Variants in ADAM12 observed in about 807,000 individuals in gnomAD.
ADAM12 encodes disintegrin and metalloproteinase domain-containing protein 12.
A neutral mutation model predicts 106.4 loss-of-function variants in ADAM12; 70 were observed. That is an observed-to-expected ratio of 0.66 (90% CI 0.54 to 0.80). The LOEUF is 0.80. Among genes scored for constraint, ADAM12 ranks in the 30% least tolerant of loss-of-function variants. The pLI is 0.00. For missense variants in ADAM12, 1,010 were observed against 1,171.9 expected, an observed-to-expected ratio of 0.86 and a Z score of 2.02; for synonymous variants, 420 against 433.5, an observed-to-expected ratio of 0.97 and a Z score of 0.39.
intron 5 of ADAM12, among the ~76,000 whole-genome samples, chr10:126,121,271 TATATA>T (rs1337822821): frequency 2.7e-5 from 3 of 110,106 alleles, no homozygotes; most frequent in Non-Finnish European, 5.0e-5. Flanking sequence ...TATTATATAA[TATATA>T]ATATACTATA....
chr10:126,378,664 G>C (rs997349499), intron 1 of ADAM12, among the ~76,000 whole-genome samples: 1 of 152,168 alleles, frequency 6.6e-6, no homozygotes, highest in Admixed American at 6.5e-5. Context: ...AATGGGTGGG[G>C]AGAAAAGGTA....
chr10:126,221,451 A>G (rs1958093353), intron 3 of ADAM12, among the ~76,000 whole-genome samples: 1 of 152,118 alleles, frequency 6.6e-6, no homozygotes, highest in African/African-American at 2.4e-5. Context: ...GAGGCAAAGT[A>G]CTGTTGACAT....
intron 2 of ADAM12, among the ~76,000 whole-genome samples, chr10:126,320,710 T>C (rs908533077): frequency 6.6e-6 from 1 of 152,232 alleles, no homozygotes; most frequent in African/African-American, 2.4e-5. Flanking sequence ...CAGTTTAAAG[T>C]AAGATTTTAG....
rs373191339 is a variant in ADAM12, at chr10:126,053,480, C to T, written c.1610-3811G>A. On this transcript the variant is annotated intron_variant, in intron 14 of 22. Coordinates refer to ENST00000448723, the MANE Select transcript of ADAM12 (RefSeq NM_001288973.2). The surrounding 1 kb of genome is among the most constrained non-coding windows in gnomAD (Gnocchi z 4.6). The stretch of plus-strand genomic sequence containing the variant: ...AGGCCACCTGGCATTTCAGGAGCAC[C>T]GCCATTCTCCCAAAGACAAACCCTC... Among the ~76,000 whole-genome samples the T allele has an allele frequency of 1.1e-4, 16 of 152,172 alleles. No individual in the cohort carries two copies. The highest frequency in any genetic ancestry group is 2.9e-4 in the African/African-American group (12 of 41,526).
intron 1 of ADAM12, among the ~76,000 whole-genome samples, chr10:126,343,539 T>C (rs1286568955): frequency 2.6e-5 from 4 of 152,194 alleles, no homozygotes; most frequent in Non-Finnish European, 5.9e-5. Flanking sequence ...TTTGGGTATA[T>C]ACCCAGTAAT....
At chr10:126,048,403 T>C (rs1387599339) in intron 16 of ADAM12, among the ~76,000 whole-genome samples, 1 of 152,186 alleles carries the variant, frequency 6.6e-6, no homozygotes, top group Admixed American at 6.5e-5. Context: ...TATAAGAAGA[T>C]TCATGTACGA....
intron 11 of ADAM12, chr10:126,090,647 G>A (rs1300667756): frequency 6.6e-6 from 1 of 152,156 alleles, no homozygotes. Flanking sequence ...TTAAAGCCTT[G>A]CAGTAATTAA....
At position 126,123,605 on chromosome 10, in the gene ADAM12, G is replaced by A. The variant is rs370685921; in HGVS notation, c.417-5381C>T. 1.3e-3 allele frequency among the ~76,000 whole-genome samples: 201 copies of A among 152,262 alleles called. 1 individual carries two copies. The highest frequency in any genetic ancestry group is 2.7e-3 in the African/African-American group (114 of 41,546). ...GGATCCAGGTTCTGGGCTGCGCTCC[G>A]TACACTGATCACTCTGCTGACCATG... is the stretch of plus-strand genomic sequence containing the variant. On this transcript the variant is annotated intron_variant, in intron 5 of 22. Coordinates refer to ENST00000448723, the MANE Select transcript of ADAM12 (RefSeq NM_001288973.2).
intron 4 of ADAM12, among the ~76,000 whole-genome samples, chr10:126,143,525 A>G (rs141044033): frequency 4.8e-4 from 73 of 151,402 alleles, no homozygotes; most frequent in Non-Finnish European, 6.9e-4. Flanking sequence ...GCATGTGTGT[A>G]TATGTACATG....
intron 3 of ADAM12, among the ~76,000 whole-genome samples, chr10:126,200,738 A>G (rs948021830): frequency 6.6e-6 from 1 of 152,242 alleles, no homozygotes; most frequent in Non-Finnish European, 1.5e-5. Flanking sequence ...ATGGTTCAGA[A>G]TGTTCAAAGG....
In ADAM12 at chr10:126,388,291, G is replaced by C; in HGVS notation, c.-146C>G. The C allele has an allele frequency of 8.9e-7, 1 of 1,121,272 alleles. No homozygotes were observed. The highest frequency in any genetic ancestry group is 1.1e-6 in the Non-Finnish European group (1 of 901,300). The allele number at this position is 1,121,272 out of a possible 1,614,324, so 69.5% of individuals were successfully genotyped here. A position where few individuals can be genotyped will look rare whatever the true frequency, so the allele number is the denominator to read the frequency against. ...GCTCCGGAGCCCTCGCGCAGCGCCCGCGCCGCCGCTGAGCTCTTCTAGCCT... is the reference window on the plus strand; with the variant it reads ...GCTCCGGAGCCCTCGCGCAGCGCCCCCGCCGCCGCTGAGCTCTTCTAGCCT... On this transcript the variant is annotated 5_prime_UTR_variant, in exon 1 of 23. Transcript: ENST00000448723. The surrounding 1 kb of genome is among the most constrained non-coding windows in gnomAD (Gnocchi z 4.4).
chr10:126,218,331 T>G (rs1958027415), intron 3 of ADAM12, among the ~76,000 whole-genome samples: 1 of 152,290 alleles, frequency 6.6e-6, no homozygotes, highest in African/African-American at 2.4e-5. Context: ...GTTGTTCACC[T>G]AACTCCACAT....
chr10:126,372,371 C>T (rs1052356573), intron 1 of ADAM12, among the ~76,000 whole-genome samples: 1 of 152,162 alleles, frequency 6.6e-6, no homozygotes, highest in Admixed American at 6.5e-5. Context: ...TCACCACAAC[C>T]CAGGGAGGTA....
At chr10:126,293,061 C>T (rs1042727963) in intron 2 of ADAM12, among the ~76,000 whole-genome samples, 3 of 152,182 alleles carry the variant, frequency 2.0e-5, no homozygotes, top group African/African-American at 7.2e-5. Context: ...CATTGTTGCT[C>T]GACCAAGTTT....
chr10:126,129,562 G>A (rs1351519750), intron 5 of ADAM12, among the ~76,000 whole-genome samples: 2 of 152,288 alleles, frequency 1.3e-5, no homozygotes, highest in East Asian at 3.9e-4. Flanking sequence ...CTCCCTGGCT[G>A]GCAGGAATGA....
intron 3 of ADAM12, among the ~76,000 whole-genome samples, chr10:126,172,685 G>A (rs973419436): frequency 1.3e-5 from 2 of 152,192 alleles, no homozygotes; most frequent in Non-Finnish European, 2.9e-5. Context: ...AACCATTGTA[G>A]AAGAAAAGTG....
intron 2 of ADAM12, among the ~76,000 whole-genome samples, chr10:126,311,719 T>C (rs993413307): frequency 6.6e-6 from 1 of 152,080 alleles, no homozygotes; most frequent in African/African-American, 2.4e-5. Flanking sequence ...GGTGAACACA[T>C]CCATGTGCCA....
At chr10:126,360,574 C>G (rs1855707715) in intron 1 of ADAM12, among the ~76,000 whole-genome samples, 1 of 152,206 alleles carries the variant, frequency 6.6e-6, no homozygotes, top group African/African-American at 2.4e-5. Context: ...TACTCTAGTT[C>G]CTAAAAAGTT....
intron 1 of ADAM12, among the ~76,000 whole-genome samples, chr10:126,335,824 C>A (rs1393197780): frequency 1.3e-5 from 2 of 152,114 alleles, no homozygotes; most frequent in Admixed American, 6.5e-5. Context: ...ATGGTACGAC[C>A]CTTGACGTGA....
Sources: allele counts gnomAD v4.1 joint callset (sites outside exome capture counted in the v4.1 genomes callset), GRCh38; gene constraint gnomAD v4.1.1; non-coding constraint Gnocchi (gnomAD v3.1); transcripts MANE v1.5; gene names NCBI Gene and HGNC (gene_info 2026-07-23, HGNC 2026-07-21).